Variants in LAMA3 observed in about 807,000 individuals in gnomAD.
LAMA3 encodes the protein laminin subunit alpha-3.
In LAMA3, 281 loss-of-function variants were observed where a neutral mutation model predicts 402.0. The ratio of observed to expected loss-of-function variants is 0.70; its 90% CI spans 0.63 to 0.77. The LOEUF (loss-of-function observed/expected upper bound fraction) is 0.77. LAMA3 is among the 30% of genes least tolerant of loss of function. The pLI is 0.00. For missense variants in LAMA3, 3,840 were observed against 4,215.5 expected, an observed-to-expected ratio of 0.91 and a Z score of 2.47; for synonymous variants, 1,431 against 1,558.4, an observed-to-expected ratio of 0.92 and a Z score of 1.93.
intron 38 of LAMA3, among the ~76,000 whole-genome samples, chr18:23,874,459 C>T (rs1320055000): frequency 6.6e-6 from 1 of 152,216 alleles, no homozygotes; most frequent in African/African-American, 2.4e-5. Flanking sequence ...TTGCAATATA[C>T]TCTTTGCCCT....
chr18:23,710,165 G>A (rs1425267374), intron 1 of LAMA3: 5 of 651,060 alleles, frequency 7.7e-6, no homozygotes, highest in African/African-American at 3.9e-5. Context: ...GGTGGGTGAC[G>A]TGCAGATCTT....
Position 23,699,586 on chromosome 18 carries a change from A to T in LAMA3, c.294+9609A>T, listed in dbSNP as rs144465059. Among the ~76,000 whole-genome samples the T allele has an allele frequency of 3.3e-5, 5 of 152,236 alleles. No homozygotes were observed. The East Asian group carries it at 9.6e-4, about 29-fold the overall frequency. ...TTGATTGTGTAAACTACCAGGAAAG[A>T]CCTCTTTCATAAATCTAGGCTAAGA... On this transcript the variant is annotated intron_variant, in intron 1 of 74. Transcript: ENST00000313654.
chr18:23,882,589 G>A (rs1239642343), intron 40 of LAMA3, among the ~76,000 whole-genome samples: 2 of 150,656 alleles, frequency 1.3e-5, no homozygotes, highest in Non-Finnish European at 2.9e-5. Flanking sequence ...CAGCCTGGGC[G>A]AGAGAGCGAG....
Position 23,884,835 on chromosome 18 carries a change from C to T in LAMA3, c.5285C>T (p.Thr1762Ile). The T allele has an allele frequency of 6.2e-7, 1 of 1,612,356 alleles. No individual in the cohort carries two copies. Among genetic ancestry groups the T allele is most frequent in the Non-Finnish European group, 8.5e-7 (1 of 1,179,210 alleles). ...DVRCSCKAGY[T>I]GTQCERCAPG... is the part of the protein sequence containing the mutation. ...CGGTGCTCCTGCAAAGCTGGGTACA[C>T]AGGAACACAGTGTGAAAGGTAAGGT... Residue 1762 changes from threonine to isoleucine, a missense_variant, in exon 41 of 75, where the codon ACA (threonine) becomes ATA (isoleucine). This residue lies in a region of LAMA3 where 2,109 missense variants were observed against 2,376.0 expected (regional missense o/e 0.89). Coordinates refer to ENST00000313654, the MANE Select transcript of LAMA3 (RefSeq NM_198129.4).
At chr18:23,738,849 T>C (rs2061519005) in intron 2 of LAMA3, among the ~76,000 whole-genome samples, 1 of 152,224 alleles carries the variant, frequency 6.6e-6, no homozygotes, top group Admixed American at 6.5e-5. Context: ...AATCATGCAA[T>C]TCACTGAGCC....
Position 23,946,215 on chromosome 18 carries a change from G to A in LAMA3, c.9282G>A (p.Leu3094=), listed in dbSNP as rs779224665. 1.4e-5 allele frequency: 22 copies of A among 1,614,008 alleles called. No homozygotes were observed. The highest frequency in any genetic ancestry group is 1.7e-5 in the Non-Finnish European group (20 of 1,179,936). ...GACTGAGGGCCCGGGAGGGAAGTTTGCCTGGAAACTCCACCATCAGCATCA... is the reference window on the plus strand; with the variant it reads ...GACTGAGGGCCCGGGAGGGAAGTTTACCTGGAAACTCCACCATCAGCATCA... ...VDGLRAREGS[L]PGNSTISIRA... The change falls in exon 70 of 75, where the codon TTG becomes TTA. Residue 3094 remains leucine (L), a synonymous_variant. Coordinates refer to ENST00000313654, the MANE Select transcript of LAMA3 (RefSeq NM_198129.4).
chr18:23,694,572 G>A (rs890402227), intron 1 of LAMA3, among the ~76,000 whole-genome samples: 8 of 152,182 alleles, frequency 5.3e-5, no homozygotes, highest in South Asian at 2.1e-4. Flanking sequence ...AAACTGAAGC[G>A]CACAGAAGTT....
chr18:23,935,509 G>T (rs2082286434), intron 67 of LAMA3, among the ~76,000 whole-genome samples: 1 of 152,216 alleles, frequency 6.6e-6, no homozygotes, highest in South Asian at 2.1e-4. Flanking sequence ...CTGCCCAGTA[G>T]CAGAGAGAAT....
chr18:23,748,520 C>T (rs557684406), intron 3 of LAMA3, among the ~76,000 whole-genome samples: 8 of 151,178 alleles, frequency 5.3e-5, no homozygotes, highest in East Asian at 2.0e-4. Flanking sequence ...ATTGACTGGG[C>T]GCGGTGGCTT....
intron 1 of LAMA3, among the ~76,000 whole-genome samples, chr18:23,694,622 A>G (rs2060650500): frequency 6.6e-6 from 1 of 152,212 alleles, no homozygotes; most frequent in South Asian, 2.1e-4. Flanking sequence ...TATGTGGTAA[A>G]TCCAGATTTA....
intron 1 of LAMA3, among the ~76,000 whole-genome samples, chr18:23,709,262 G>A (rs1032987535): frequency 2.6e-5 from 4 of 151,706 alleles, no homozygotes; most frequent in East Asian, 3.9e-4. Flanking sequence ...TAGTAGAGAC[G>A]GGGTTTCTCC....
intron 22 of LAMA3, 105 bp downstream of exon 22, chr18:23,826,904 A>T: frequency 2.8e-6 from 2 of 718,404 alleles, no homozygotes; most frequent in Non-Finnish European, 5.0e-6. Context: ...CGACAGCATG[A>T]TGCTCTGGAT....
At chr18:23,837,570 G>GATACATATATATATATATATATAT (rs368371253) in intron 25 of LAMA3, among the ~76,000 whole-genome samples, 1 of 83,284 alleles carries the variant, frequency 1.2e-5, no homozygotes, top group African/African-American at 4.5e-5. Context: ...CAGTTAATCA[G>GATACATATATATATATATATATAT]ATATATATAT....
At chr18:23,881,652 C>G (rs1242220254) in intron 39 of LAMA3, among the ~76,000 whole-genome samples, 2 of 152,142 alleles carry the variant, frequency 1.3e-5, no homozygotes, top group African/African-American at 4.8e-5. Flanking sequence ...CCCAGGGCTC[C>G]GTGGCCTTGA....
intron 54 of LAMA3, among the ~76,000 whole-genome samples, chr18:23,908,762 G>T (rs867058300): frequency 6.6e-6 from 1 of 151,738 alleles, no homozygotes; most frequent in Non-Finnish European, 1.5e-5. Flanking sequence ...ATGTTTTTTC[G>T]ATCTGATAAC....
At chr18:23,705,478 CACAG>C (rs1011173623) in intron 1 of LAMA3, among the ~76,000 whole-genome samples, 1 of 151,712 alleles carries the variant, frequency 6.6e-6, no homozygotes, top group African/African-American at 2.4e-5. Context: ...CACACACACA[CACAG>C]ACATATATGC....
intron 1 of LAMA3, among the ~76,000 whole-genome samples, chr18:23,702,033 A>G (rs550934202): frequency 1.6e-4 from 24 of 152,198 alleles, no homozygotes; most frequent in African/African-American, 5.5e-4. Flanking sequence ...AGAGAGAGAG[A>G]CAGAGAGAGT....
At position 23,914,573 on chromosome 18, in the gene LAMA3, A is replaced by C. The variant is rs1219197036; in HGVS notation, c.7481+12A>C. The C allele has an allele frequency of 6.2e-7, 1 of 1,613,310 alleles. No homozygotes were observed. The highest frequency in any genetic ancestry group is 8.5e-7 in the Non-Finnish European group (1 of 1,179,350). On this transcript the variant is annotated intron_variant, in intron 57 of 74. Coordinates refer to ENST00000313654, the MANE Select transcript of LAMA3 (RefSeq NM_198129.4). ...GTGAAATTTCAGAGGTACAAGTCTGATTGACTGTACCTGTGCTCACCAAAC... is the reference window on the plus strand; with the variant it reads ...GTGAAATTTCAGAGGTACAAGTCTGCTTGACTGTACCTGTGCTCACCAAAC...
chr18:23,938,986 G>A (rs898219061), intron 67 of LAMA3, among the ~76,000 whole-genome samples: 2 of 152,022 alleles, frequency 1.3e-5, no homozygotes, highest in Admixed American at 6.6e-5. Context: ...ATCTGGCTTC[G>A]GGAAAGGTTA....
Sources: allele counts gnomAD v4.1 joint callset (sites outside exome capture counted in the v4.1 genomes callset), GRCh38; gene constraint gnomAD v4.1.1; regional missense constraint gnomAD v4.1.1; transcripts MANE v1.5; gene names NCBI Gene and HGNC (gene_info 2026-07-23, HGNC 2026-07-21).